Variants in RELN observed in about 807,000 individuals in gnomAD.
The protein encoded by RELN is reelin.
In RELN, 108 loss-of-function variants were observed where a neutral mutation model predicts 427.6. That is an observed-to-expected ratio of 0.25 (90% CI 0.22 to 0.30). The LOEUF is 0.30. Among genes scored for constraint, RELN ranks in the 10% least tolerant of loss-of-function variants. The pLI, the probability that RELN is intolerant of heterozygous loss-of-function variation, is 1.00. For synonymous variants in RELN, 1,524 were observed against 1,513.4 expected (o/e 1.01, Z -0.16); for missense variants, 3,715 against 4,302.8 (o/e 0.86, Z 3.82).
intron 2 of RELN, among the ~76,000 whole-genome samples, chr7:103,914,678 T>C (rs1232053998): frequency 6.6e-6 from 1 of 152,000 alleles, no homozygotes; most frequent in African/African-American, 2.4e-5. Flanking sequence ...TATGAGAAAA[T>C]TAAGCTTAGA....
At chr7:103,544,892 C>A (rs779184782) in intron 42 of RELN, among the ~76,000 whole-genome samples, 1 of 152,090 alleles carries the variant, frequency 6.6e-6, no homozygotes, top group African/African-American at 2.4e-5. Context: ...GTGAACACAG[C>A]CTTAGTTTTT....
intron 1 of RELN, among the ~76,000 whole-genome samples, chr7:103,964,786 T>C (rs1796628999): frequency 6.6e-6 from 1 of 152,236 alleles, no homozygotes; most frequent in Admixed American, 6.5e-5. Context: ...TCCTCTAAAA[T>C]GGGACCACTG....
chr7:103,574,074 C>G lies in RELN; in HGVS notation c.4511+18G>C. On this transcript the variant is annotated intron_variant, in intron 30 of 64. Transcript: ENST00000428762. Reference sequence around the variant, plus strand: ...AATAATATGTTTGTGAAAAAGTATACCAGTTAATACTTGTTACCTGATATT... The same window carrying G: ...AATAATATGTTTGTGAAAAAGTATAGCAGTTAATACTTGTTACCTGATATT... 6.4e-7 allele frequency: 1 copy of G among 1,574,652 alleles called. No homozygotes were observed. The highest frequency in any genetic ancestry group is 8.7e-7 in the Non-Finnish European group (1 of 1,144,034).
rs757298644 is a variant in RELN, at chr7:103,561,485, C to T, written c.5529+47G>A. ...TGTGTTGAGCAGTGACTGAAGAAGA[C>T]AATGTTAGTAGTAATGTTGGGAAGG... is the stretch of plus-strand genomic sequence containing the variant. On this transcript the variant is annotated intron_variant, in intron 36 of 64. Transcript: ENST00000428762. 9.5e-6 allele frequency: 13 copies of T among 1,369,702 alleles called. No individual in the cohort carries two copies. In the Admixed American group the frequency reaches 2.2e-4, roughly 23 times the overall value. 84.8% of individuals were successfully genotyped at this position (1,369,702 alleles called of 1,614,324 possible).
At chr7:103,789,911 T>C (rs908934394) in intron 3 of RELN, among the ~76,000 whole-genome samples, 5 of 134,896 alleles carry the variant, frequency 3.7e-5, no homozygotes, top group Non-Finnish European at 6.3e-5. Flanking sequence ...CTATTCACAA[T>C]AGCAAAGACT....
At chr7:103,707,384 A>C (rs1834227348) in intron 8 of RELN, among the ~76,000 whole-genome samples, 1 of 152,210 alleles carries the variant, frequency 6.6e-6, no homozygotes, top group African/African-American at 2.4e-5. Flanking sequence ...CAACTCAATT[A>C]TGTGAAAAGT....
intron 16 of RELN, among the ~76,000 whole-genome samples, chr7:103,649,471 T>A (rs1003014763): frequency 6.6e-6 from 1 of 151,938 alleles, no homozygotes; most frequent in African/African-American, 2.4e-5. Context: ...ATAAATTACG[T>A]TGTACTCTAT....
intron 61 of RELN, among the ~76,000 whole-genome samples, chr7:103,484,745 G>A (rs923595915): frequency 1.3e-5 from 2 of 152,150 alleles, no homozygotes; most frequent in African/African-American, 4.8e-5. Flanking sequence ...GAAAGGTAAC[G>A]TGGGCCAAAC....
At chr7:103,492,771 G>A (rs1828713733) in intron 57 of RELN, among the ~76,000 whole-genome samples, 1 of 152,162 alleles carries the variant, frequency 6.6e-6, no homozygotes, top group Non-Finnish European at 1.5e-5. Flanking sequence ...TGATTCAGTG[G>A]ATTAGAAAAT....
At chr7:103,872,460 T>C (rs1350438539) in intron 2 of RELN, among the ~76,000 whole-genome samples, 1 of 134,514 alleles carries the variant, frequency 7.4e-6, no homozygotes, top group Non-Finnish European at 1.6e-5. Flanking sequence ...ATCCAGTCTA[T>C]CATTGTTGGA....
In RELN at chr7:103,640,710, T is replaced by C. The variant is rs1320162587; in HGVS notation, c.2003-101A>G. ...TGAAATATGGCCCCTTGTGTGTATG[T>C]TGTGTGCAGGAACCCAGGGTGACAT... is the stretch of plus-strand genomic sequence containing the variant. On this transcript the variant is annotated intron_variant, in intron 16 of 64. Transcript: ENST00000428762. The surrounding 1 kb of genome is among the most constrained non-coding windows in gnomAD (Gnocchi z 4.1). The C allele has an allele frequency of 2.0e-4, 244 of 1,205,068 alleles. 1 individual carries two copies. The East Asian group carries it at 6.0e-3, about 30-fold the overall frequency. The allele number at this position is 1,205,068 out of a possible 1,614,324, so 74.6% of individuals were successfully genotyped here. A position where few individuals can be genotyped will look rare whatever the true frequency, so the allele number is the denominator to read the frequency against.
intron 41 of RELN, among the ~76,000 whole-genome samples, chr7:103,548,226 A>C (rs770860205): frequency 3.3e-5 from 5 of 152,244 alleles, no homozygotes; most frequent in African/African-American, 7.2e-5. Flanking sequence ...TATATGTAGA[A>C]GGAACAAAAT....
intron 6 of RELN, among the ~76,000 whole-genome samples, chr7:103,743,282 C>A (rs11828356): frequency 6.6e-6 from 1 of 151,974 alleles, no homozygotes; most frequent in Non-Finnish European, 1.5e-5. Flanking sequence ...TGGAAAGGAA[C>A]AACCGGTACC....
intron 4 of RELN, among the ~76,000 whole-genome samples, chr7:103,759,990 CT>C (rs57019839): frequency 0.048 from 3,055 of 63,208 alleles, 42 homozygotes; most frequent in Non-Finnish European, 0.063. Flanking sequence ...CACAGTCATA[CT>C]TTTTTTTTTT....
At chr7:103,511,351 T>A (rs1441604500) in intron 50 of RELN, among the ~76,000 whole-genome samples, 7 of 152,222 alleles carry the variant, frequency 4.6e-5, no homozygotes, top group Admixed American at 4.6e-4. Flanking sequence ...TAGAGATGAT[T>A]TTTAATTTTA....
chr7:103,939,690 A>G (rs1357288716), intron 1 of RELN, among the ~76,000 whole-genome samples: 2 of 152,210 alleles, frequency 1.3e-5, no homozygotes, highest in Non-Finnish European at 2.9e-5. Flanking sequence ...TTAATACTAT[A>G]TACCACAATG....
intron 1 of RELN, among the ~76,000 whole-genome samples, chr7:103,982,238 G>A (rs752494085): frequency 4.0e-5 from 6 of 151,876 alleles, no homozygotes; most frequent in Non-Finnish European, 8.8e-5. Context: ...GAATTATACC[G>A]CCAATAAATG....
At chr7:103,509,653 A>C (rs566417274) in intron 51 of RELN, among the ~76,000 whole-genome samples, 2 of 152,226 alleles carry the variant, frequency 1.3e-5, no homozygotes, top group African/African-American at 4.8e-5. Flanking sequence ...AAGTAGACCA[A>C]TGGGATCTAA....
intron 4 of RELN, among the ~76,000 whole-genome samples, chr7:103,770,112 T>C (rs1791527937): frequency 1.3e-5 from 2 of 152,042 alleles, no homozygotes; most frequent in Non-Finnish European, 2.9e-5. Context: ...TTAGACAGAG[T>C]CTCACTCTAT....
Sources: gnomAD v4.1 joint callset for allele counts (sites outside exome capture counted in the v4.1 genomes callset) on GRCh38, gnomAD v4.1.1 for gene constraint, Gnocchi (gnomAD v3.1) non-coding constraint, MANE v1.5 for transcripts, NCBI Gene and HGNC (gene_info 2026-07-23, HGNC 2026-07-21) for gene names.